The following CSMD1 variants were observed in gnomAD, a reference collection of about 807,000 sequenced individuals.
CSMD1 encodes the protein CUB and Sushi multiple domains 1.
CSMD1 carries 213 observed loss-of-function variants against 417.5 expected under a neutral mutation model. The ratio of observed to expected loss-of-function variants is 0.51; its 90% confidence interval spans 0.46 to 0.57. The LOEUF is 0.57. Among genes scored for constraint, CSMD1 ranks in the 20% least tolerant of loss-of-function variants. CSMD1 has a pLI of 0.00. For missense variants in CSMD1, 6,923 were observed against 4,529.7 expected (o/e 1.53, Z -15.17); for synonymous variants, 2,862 against 1,736.8 (o/e 1.65, Z -16.11).
At chr8:3,291,423 C>G (rs1479966782) in intron 25 of CSMD1, among the ~76,000 whole-genome samples, 1 of 152,228 alleles carries the variant, frequency 6.6e-6, no homozygotes, top group South Asian at 2.1e-4. Context: ...TTTTGTACCT[C>G]TGGCAGAATT....
At chr8:4,453,738 C>T (rs1311929182) in intron 2 of CSMD1, among the ~76,000 whole-genome samples, 1 of 151,132 alleles carries the variant, frequency 6.6e-6, no homozygotes, top group African/African-American at 2.4e-5. Flanking sequence ...CATCCCCAAA[C>T]GTAATTCCGG....
intron 6 of CSMD1, among the ~76,000 whole-genome samples, chr8:3,708,833 T>C (rs1379245581): frequency 6.6e-6 from 1 of 152,206 alleles, no homozygotes; most frequent in Non-Finnish European, 1.5e-5. Context: ...ATCACTCACT[T>C]CATGTATCTA....
intron 3 of CSMD1, among the ~76,000 whole-genome samples, chr8:4,390,911 G>A (rs181699020): frequency 6.6e-6 from 1 of 152,240 alleles, no homozygotes; most frequent in African/African-American, 2.4e-5. Flanking sequence ...AATGTAGAAA[G>A]GTAGTTATCA....
intron 3 of CSMD1, among the ~76,000 whole-genome samples, chr8:4,357,275 T>C (rs1181435151): frequency 6.6e-6 from 1 of 152,216 alleles, no homozygotes; most frequent in Non-Finnish European, 1.5e-5. Flanking sequence ...AGTAACCTTA[T>C]AGATCTCATC....
intron 4 of CSMD1, among the ~76,000 whole-genome samples, chr8:4,004,835 C>G (rs555241922): frequency 2.6e-5 from 4 of 152,244 alleles, no homozygotes; most frequent in African/African-American, 9.6e-5. Flanking sequence ...AGCTCCGCCT[C>G]CCGGGTTCAC....
At chr8:3,250,614 G>C (rs575074210) in intron 26 of CSMD1, among the ~76,000 whole-genome samples, 1 of 152,280 alleles carries the variant, frequency 6.6e-6, no homozygotes, top group East Asian at 1.9e-4. Flanking sequence ...TCTAGTTCTA[G>C]GTCCCTGAGG....
chr8:4,740,286 G>A (rs1810520929), intron 1 of CSMD1, among the ~76,000 whole-genome samples: 1 of 152,070 alleles, frequency 6.6e-6, no homozygotes, highest in South Asian at 2.1e-4. Flanking sequence ...ATTTTTGAAG[G>A]TCTTTATTAT....
At chr8:3,603,773 T>A (rs1007833069) in intron 8 of CSMD1, among the ~76,000 whole-genome samples, 1 of 152,254 alleles carries the variant, frequency 6.6e-6, no homozygotes, top group Non-Finnish European at 1.5e-5. Flanking sequence ...GTTTCATCTA[T>A]TAGTAAACTA....
intron 3 of CSMD1, among the ~76,000 whole-genome samples, chr8:4,070,218 T>G (rs1799473361): frequency 6.6e-6 from 1 of 152,182 alleles, no homozygotes; most frequent in Non-Finnish European, 1.5e-5. Context: ...TTCTTGTCTT[T>G]TCTTTTTGGT....
At chr8:4,744,178 G>A (rs1415858071) in intron 1 of CSMD1, among the ~76,000 whole-genome samples, 1 of 151,862 alleles carries the variant, frequency 6.6e-6, no homozygotes, top group East Asian at 1.9e-4. Flanking sequence ...CGCAGTCCAG[G>A]CCAAACACAG....
chr8:4,705,822 C>G (rs1807900590), intron 1 of CSMD1, among the ~76,000 whole-genome samples: 1 of 152,090 alleles, frequency 6.6e-6, no homozygotes, highest in African/African-American at 2.4e-5. Flanking sequence ...AAAGATTATT[C>G]TATGAGCCAG....
intron 26 of CSMD1, among the ~76,000 whole-genome samples, chr8:3,234,312 A>G (rs1799024295): frequency 6.6e-6 from 1 of 152,202 alleles, no homozygotes. Flanking sequence ...TATTTTCAGC[A>G]TATAAATTTT....
At chr8:4,446,542 G>T (rs758218396) in intron 2 of CSMD1, among the ~76,000 whole-genome samples, 1 of 152,028 alleles carries the variant, frequency 6.6e-6, no homozygotes, top group Admixed American at 6.6e-5. Flanking sequence ...ATGAGACCCC[G>T]GTTCTGCTTT....
intron 1 of CSMD1, among the ~76,000 whole-genome samples, chr8:4,754,785 G>C (rs778987783): frequency 6.6e-6 from 1 of 152,050 alleles, no homozygotes; most frequent in African/African-American, 2.4e-5. Context: ...GGAAGCAGAG[G>C]TTGCAGTGAG....
At chr8:3,786,574 G>A (rs1298323499) in intron 5 of CSMD1, among the ~76,000 whole-genome samples, 1 of 152,160 alleles carries the variant, frequency 6.6e-6, no homozygotes, top group African/African-American at 2.4e-5. Flanking sequence ...CAACGGCCTA[G>A]GATGGACAGG....
chr8:4,780,679 T>C (rs1224282946), intron 1 of CSMD1, among the ~76,000 whole-genome samples: 2 of 152,158 alleles, frequency 1.3e-5, no homozygotes, highest in African/African-American at 4.8e-5. Context: ...CCGAGTGGTA[T>C]ACACTGCACC....
At chr8:3,507,687 G>C (rs1016052303) in intron 10 of CSMD1, among the ~76,000 whole-genome samples, 1 of 152,156 alleles carries the variant, frequency 6.6e-6, no homozygotes, top group African/African-American at 2.4e-5. Context: ...ACTTTTTAAT[G>C]ATTGCCATTC....
chr8:4,145,022 C>G (rs1287204203), intron 3 of CSMD1, among the ~76,000 whole-genome samples: 5 of 151,022 alleles, frequency 3.3e-5, no homozygotes, highest in Non-Finnish European at 7.4e-5. Context: ...TAATAATTAT[C>G]TTCTACTTTT....
At chr8:4,974,323 A>C (rs1810420806) in intron 1 of CSMD1, among the ~76,000 whole-genome samples, 1 of 152,012 alleles carries the variant, frequency 6.6e-6, no homozygotes, top group Non-Finnish European at 1.5e-5. Context: ...TTTATTTTTG[A>C]AGAGCACAGT....
Sources: gnomAD v4.1 joint callset for allele counts (sites outside exome capture counted in the v4.1 genomes callset) on GRCh38, gnomAD v4.1.1 for gene constraint, MANE v1.5 for transcripts, NCBI Gene and HGNC (gene_info 2026-07-23, HGNC 2026-07-21) for gene names.